CAMK1D: variants seen among roughly 807,000 people sequenced by gnomAD.
The protein encoded by CAMK1D is calcium/calmodulin-dependent protein kinase type 1D.
A neutral mutation model predicts 47.7 loss-of-function variants in CAMK1D; 9 were observed. That is an observed-to-expected ratio of 0.19 (90% confidence interval 0.11 to 0.33). The LOEUF is 0.33. Ranked by LOEUF, CAMK1D falls within the 10% of genes least tolerant of loss-of-function variation. The pLI, the probability that CAMK1D is intolerant of heterozygous loss-of-function variation, is 1.00. For missense variants in CAMK1D, 291 were observed against 488.7 expected (o/e 0.60, Z 3.81); for synonymous variants, 184 against 184.9 (o/e 0.99, Z 0.04).
chr10:12,406,767 T>TCC (rs1839444910), intron 1 of CAMK1D, among the ~76,000 whole-genome samples: 1 of 133,578 alleles, frequency 7.5e-6, no homozygotes, highest in Admixed American at 7.6e-5. Flanking sequence ...GGTATTGAAC[T>TCC]CTGTAAAGTC....
At chr10:12,757,219 C>T (rs546398574) in intron 3 of CAMK1D, among the ~76,000 whole-genome samples, 35 of 152,254 alleles carry the variant, frequency 2.3e-4, no homozygotes, top group Admixed American at 2.0e-3. Context: ...CAGCCTCAGC[C>T]GTCCCGGCCT....
intron 1 of CAMK1D, among the ~76,000 whole-genome samples, chr10:12,485,907 G>A (rs1834199574): frequency 6.6e-6 from 1 of 152,168 alleles, no homozygotes; most frequent in Non-Finnish European, 1.5e-5. Context: ...CCCAGAGTGA[G>A]TCTTTGGTGT....
intron 1 of CAMK1D, among the ~76,000 whole-genome samples, chr10:12,539,870 G>T (rs929366680): frequency 1.3e-5 from 2 of 152,182 alleles, no homozygotes; most frequent in African/African-American, 4.8e-5. Flanking sequence ...AGTGTTGCCA[G>T]CTTTTTAAGC....
chr10:12,808,450 G>T (rs1832456200), intron 6 of CAMK1D, among the ~76,000 whole-genome samples: 1 of 152,174 alleles, frequency 6.6e-6, no homozygotes, highest in African/African-American at 2.4e-5. Flanking sequence ...GCCTACGTAG[G>T]CCAGGAGGCA....
intron 2 of CAMK1D, among the ~76,000 whole-genome samples, chr10:12,629,417 A>T (rs537918585): frequency 6.6e-6 from 1 of 152,336 alleles, no homozygotes; most frequent in African/African-American, 2.4e-5. Flanking sequence ...ACACGTTTAC[A>T]TAAAAATATA....
intron 2 of CAMK1D, among the ~76,000 whole-genome samples, chr10:12,623,913 T>C (rs1839125740): frequency 1.3e-5 from 2 of 152,058 alleles, no homozygotes; most frequent in Non-Finnish European, 1.5e-5. Flanking sequence ...ACCCCGTCTC[T>C]ACTAAAAATA....
intron 1 of CAMK1D, among the ~76,000 whole-genome samples, chr10:12,402,316 C>T (rs1253656757): frequency 6.6e-6 from 1 of 152,088 alleles, no homozygotes; most frequent in Non-Finnish European, 1.5e-5. Context: ...TCACTTCAGT[C>T]TCTACCTCCC....
At chr10:12,515,359 G>T (rs1230578005) in intron 1 of CAMK1D, among the ~76,000 whole-genome samples, 1 of 148,886 alleles carries the variant, frequency 6.7e-6, no homozygotes, top group Non-Finnish European at 1.5e-5. Flanking sequence ...CGAAGCCTCG[G>T]CAGCCTTTCT....
intron 1 of CAMK1D, among the ~76,000 whole-genome samples, chr10:12,387,291 C>T (rs1838525251): frequency 6.9e-6 from 1 of 144,584 alleles, no homozygotes; most frequent in Non-Finnish European, 1.5e-5. Flanking sequence ...CTTTGACACT[C>T]ACATTATATG....
chr10:12,355,776 A>C (rs1837493009), intron 1 of CAMK1D, among the ~76,000 whole-genome samples: 2 of 152,246 alleles, frequency 1.3e-5, no homozygotes, highest in Non-Finnish European at 2.9e-5. Flanking sequence ...TATCGGTTGA[A>C]CACCTGCTAT....
chr10:12,503,129 C>T (rs995934675), intron 1 of CAMK1D, among the ~76,000 whole-genome samples: 1 of 152,164 alleles, frequency 6.6e-6, no homozygotes, highest in Non-Finnish European at 1.5e-5. Flanking sequence ...TACACATATA[C>T]ATGTGCACAC....
intron 2 of CAMK1D, among the ~76,000 whole-genome samples, chr10:12,633,139 A>C (rs1839426699): frequency 6.6e-6 from 1 of 152,154 alleles, no homozygotes; most frequent in African/African-American, 2.4e-5. Context: ...CGTGGCGGAG[A>C]AGCCATGCGT....
chr10:12,411,156 G>A (rs188484115), intron 1 of CAMK1D, among the ~76,000 whole-genome samples: 253 of 152,220 alleles, frequency 1.7e-3, no homozygotes, highest in African/African-American at 5.0e-3. Flanking sequence ...GGCCAGCCTG[G>A]GTGCCCACTA....
chr10:12,762,037 C>T (rs1392228232), intron 4 of CAMK1D, among the ~76,000 whole-genome samples: 2 of 152,186 alleles, frequency 1.3e-5, no homozygotes, highest in African/African-American at 2.4e-5. Context: ...TCTATGTAGA[C>T]ACTGAAGGAC....
chr10:12,759,685 G>A (rs939303551), intron 3 of CAMK1D, among the ~76,000 whole-genome samples: 1 of 152,114 alleles, frequency 6.6e-6, no homozygotes, highest in Middle Eastern at 3.2e-3. Context: ...GTTTGCCTTG[G>A]AAATGAAACA....
chr10:12,828,674 C>CCCCCCAAAAA, intron 10 of CAMK1D, 95 bp from the exon 11 acceptor site: 1 of 957,734 alleles, frequency 1.0e-6, no homozygotes, highest in Non-Finnish European at 1.6e-6. Context: ...CCCCGCCCCC[C>CCCCCCAAAAA]ACCATAAACC....
intron 6 of CAMK1D, among the ~76,000 whole-genome samples, chr10:12,802,112 A>G (rs1168159321): frequency 2.0e-5 from 3 of 152,240 alleles, no homozygotes; most frequent in African/African-American, 4.8e-5. Flanking sequence ...GTGAACTGCT[A>G]TGTTCAAATA....
rs575385455 is a variant in CAMK1D at position 12,510,428 on chromosome 10, A to C, written c.93-42797A>C. Reference sequence around the variant, plus strand: ...AAGACTCCGTCTAAAAAAAAATAATAATAAAAGAGTGTAGCCACGTGGGCA... The same window carrying C: ...AAGACTCCGTCTAAAAAAAAATAATCATAAAAGAGTGTAGCCACGTGGGCA... On this transcript the variant is annotated intron_variant, in intron 1 of 10. Coordinates refer to ENST00000619168, the MANE Select transcript of CAMK1D (RefSeq NM_153498.4). Among the ~76,000 whole-genome samples, 5 of 152,262 alleles carry C rather than the reference A, an allele frequency of 3.3e-5. No homozygotes were observed. The South Asian group carries it at 6.2e-4, about 19-fold the overall frequency.
chr10:12,573,585 C>T (rs1349111418), intron 2 of CAMK1D, among the ~76,000 whole-genome samples: 1 of 152,144 alleles, frequency 6.6e-6, no homozygotes, highest in Non-Finnish European at 1.5e-5. Context: ...GTGACAATTT[C>T]AGGATGTTAC....
Sources: allele counts gnomAD v4.1 joint callset (sites outside exome capture counted in the v4.1 genomes callset), GRCh38; gene constraint gnomAD v4.1.1; transcripts MANE v1.5; gene names NCBI Gene and HGNC (gene_info 2026-07-23, HGNC 2026-07-21).